FAM193A: variants seen among roughly 807,000 people sequenced by gnomAD.
FAM193A encodes family with sequence similarity 193 member A.
FAM193A carries 22 observed loss-of-function variants against 126.5 expected under a neutral mutation model. The ratio of observed to expected loss-of-function variants is 0.17; its 90% CI spans 0.12 to 0.25. The LOEUF (loss-of-function observed/expected upper bound fraction) is 0.25, where lower values mean the gene tolerates loss of function less well. FAM193A is among the 10% of genes least tolerant of loss of function. The pLI, the probability that FAM193A is intolerant of heterozygous loss-of-function variation, is 1.00. For missense variants in FAM193A, 1,675 were observed against 1,672.8 expected, an observed-to-expected ratio of 1.00 and a Z score of -0.02; for synonymous variants, 761 against 646.8, an observed-to-expected ratio of 1.18 and a Z score of -2.68.
intron 7 of FAM193A, 84 bp downstream of exon 7, chr4:2,646,916 C>T: frequency 1.4e-6 from 2 of 1,403,466 alleles, no homozygotes; most frequent in Non-Finnish European, 1.9e-6. Context: ...TAGCTTTGTC[C>T]TGAGCTGCAA....
chr4:2,535,971 C>A (rs759812243), upstream of FAM193A, among the ~76,000 whole-genome samples: 10 of 152,158 alleles, frequency 6.6e-5, no homozygotes, highest in Non-Finnish European at 1.2e-4. Flanking sequence ...GGCTTTCCAG[C>A]GCTGCCCGAA....
chr4:2,639,851 A>C lies in FAM193A; in HGVS notation c.1155A>C (p.Ser385=). 2.5e-6 allele frequency: 4 copies of C among 1,613,836 alleles called. No homozygotes were observed. The highest frequency in any genetic ancestry group is 1.3e-5 in the African/African-American group (1 of 75,032). Residue 385 remains serine, a synonymous_variant, in exon 6 of 21, where the codon TCA becomes TCC. Transcript: ENST00000637812. ...LLQSNLPALV[S]QIRLGTTTHD... ...AGAGCAACTTGCCCGCACTGGTGTC[A>C]CAGATCAGGTATTTTGCCTTAACCC...
At chr4:2,670,219 C>T (rs1194236789) in intron 12 of FAM193A, among the ~76,000 whole-genome samples, 1 of 151,922 alleles carries the variant, frequency 6.6e-6, no homozygotes, top group African/African-American at 2.4e-5. Context: ...GCTTTTGAGC[C>T]CCTTTAGTGA....
chr4:2,686,682 C>T (rs1471585684), intron 13 of FAM193A, among the ~76,000 whole-genome samples: 7 of 152,148 alleles, frequency 4.6e-5, no homozygotes, highest in Non-Finnish European at 8.8e-5. Flanking sequence ...AACTCATGGT[C>T]GTGTCTTGAG....
chr4:2,712,259 A>C (rs1237417552), intron 19 of FAM193A, among the ~76,000 whole-genome samples: 1 of 152,168 alleles, frequency 6.6e-6, no homozygotes, highest in Non-Finnish European at 1.5e-5. Context: ...CCTCCATGAT[A>C]CATTAATTCT....
chr4:2,592,566 GAGA>G (rs990894865), intron 1 of FAM193A, among the ~76,000 whole-genome samples: 9 of 152,180 alleles, frequency 5.9e-5, no homozygotes, highest in Admixed American at 1.3e-4. Flanking sequence ...TGATCCCTGA[GAGA>G]AGAAGAATAA....
chr4:2,671,346 A>G (rs905871905), intron 12 of FAM193A, among the ~76,000 whole-genome samples: 2 of 152,306 alleles, frequency 1.3e-5, no homozygotes, highest in Admixed American at 6.5e-5. Flanking sequence ...AGGCTTCCCT[A>G]TTCATTCCCT....
intron 7 of FAM193A, among the ~76,000 whole-genome samples, chr4:2,657,143 G>T (rs1191469843): frequency 2.0e-5 from 3 of 152,192 alleles, no homozygotes; most frequent in African/African-American, 7.2e-5. Flanking sequence ...ACTCCAGCTT[G>T]GGTGATATAG....
At chr4:2,627,017 G>A (rs1042893498) in intron 4 of FAM193A, among the ~76,000 whole-genome samples, 4 of 152,066 alleles carry the variant, frequency 2.6e-5, no homozygotes, top group African/African-American at 9.7e-5. Flanking sequence ...TGGTTCATGA[G>A]GCCAAGACAG....
chr4:2,612,391 C>T (rs1010023183), intron 2 of FAM193A, among the ~76,000 whole-genome samples: 4 of 151,678 alleles, frequency 2.6e-5, no homozygotes, highest in Admixed American at 6.6e-5. Flanking sequence ...CCTAGCTACT[C>T]GGGAGGCTGA....
chr4:2,727,188 G>A (rs749263308), intron 20 of FAM193A, among the ~76,000 whole-genome samples: 40 of 152,036 alleles, frequency 2.6e-4, no homozygotes, highest in Non-Finnish European at 5.1e-4. Context: ...GAACCCCGGA[G>A]GCGGAGGTTG....
At chr4:2,559,342 G>A (rs1728272) in intron 1 of FAM193A, among the ~76,000 whole-genome samples, 149,989 of 152,326 alleles carry the variant, frequency 0.98, 73,877 homozygotes, top group Middle Eastern at 1. Flanking sequence ...TGTTGTAGTC[G>A]GTGTCCCCTC....
chr4:2,698,972 A>G (rs1717351433), intron 18 of FAM193A, among the ~76,000 whole-genome samples: 1 of 152,186 alleles, frequency 6.6e-6, no homozygotes, highest in South Asian at 2.1e-4. Context: ...ATCACAGCTC[A>G]TTGCAGCCTC....
intron 2 of FAM193A, chr4:2,608,201 T>TC: frequency 7.2e-7 from 1 of 1,393,854 alleles, no homozygotes; most frequent in South Asian, 1.2e-5. Flanking sequence ...TTTTCTGTTT[T>TC]CGAGACGGTC....
chr4:2,712,055 G>C (rs762202131), intron 19 of FAM193A, among the ~76,000 whole-genome samples: 6 of 152,176 alleles, frequency 3.9e-5, no homozygotes, highest in Middle Eastern at 3.4e-3. Context: ...TTTTCATTGT[G>C]ATCAGAGAAT....
intron 2 of FAM193A, among the ~76,000 whole-genome samples, chr4:2,597,398 T>G (rs1262263413): frequency 2.6e-5 from 4 of 152,226 alleles, no homozygotes; most frequent in East Asian, 1.9e-4. Context: ...GTGGTTGGTT[T>G]GTTTTCTCAT....
chr4:2,683,145 G>A (rs1715342353), intron 13 of FAM193A, among the ~76,000 whole-genome samples: 1 of 152,112 alleles, frequency 6.6e-6, no homozygotes, highest in South Asian at 2.1e-4. Flanking sequence ...GAACACTTTA[G>A]AACTGTTTAA....
chr4:2,717,940 C>A (rs1350489445), intron 20 of FAM193A, among the ~76,000 whole-genome samples: 1 of 152,056 alleles, frequency 6.6e-6, no homozygotes, highest in South Asian at 2.1e-4. Flanking sequence ...CAGGTGTGAA[C>A]CACCACGCCC....
chr4:2,637,357 T>A (rs1482517390), intron 5 of FAM193A, among the ~76,000 whole-genome samples: 1 of 152,126 alleles, frequency 6.6e-6, no homozygotes, highest in African/African-American at 2.4e-5. Context: ...AATATTTTTT[T>A]AAAAGAAATC....
Sources: allele counts gnomAD v4.1 joint callset (sites outside exome capture counted in the v4.1 genomes callset), GRCh38; gene constraint gnomAD v4.1.1; transcripts MANE v1.5; gene names NCBI Gene and HGNC (gene_info 2026-07-23, HGNC 2026-07-21).